LOC112694756: variants seen among roughly 807,000 people sequenced by gnomAD.
the LOC112694756 span, among the ~76,000 whole-genome samples, chr16:30,057,844 T>C: frequency 6.6e-6 from 1 of 151,618 alleles, no homozygotes; most frequent in Admixed American, 6.6e-5. Flanking sequence ...GGCAGGAGAA[T>C]AGCTTGAACC....
chr16:30,067,128 G>A, the LOC112694756 span: 2 of 1,579,548 alleles, frequency 1.3e-6, no homozygotes, highest in African/African-American at 2.7e-5. Context: ...GTGGGGCAGG[G>A]GAGGTAGGGA....
At chr16:30,067,109 C>A in the LOC112694756 span, 4 of 1,571,328 alleles carry the variant, frequency 2.5e-6, no homozygotes, top group Non-Finnish European at 3.5e-6. Flanking sequence ...GCCCCAGGGC[C>A]TGCTGGGTGT....
the LOC112694756 span, chr16:30,070,339 G>T: frequency 1.2e-6 from 1 of 833,450 alleles, no homozygotes; most frequent in Non-Finnish European, 2.0e-6. Flanking sequence ...TGACAGTGGT[G>T]TGTGGTGTCG....
At chr16:30,055,905 T>TG in the LOC112694756 span, among the ~76,000 whole-genome samples, 1 of 152,130 alleles carries the variant, frequency 6.6e-6, no homozygotes, top group South Asian at 2.1e-4. Flanking sequence ...GCTCAAGTGA[T>TG]TCTCCTGCCT....
At chr16:30,070,054 G>C in the LOC112694756 span, 2 of 1,613,622 alleles carry the variant, frequency 1.2e-6, no homozygotes, top group Non-Finnish European at 1.7e-6. Context: ...GAGGTGGGCA[G>C]GGTGCCTGGG....
At chr16:30,058,939 AG>A in the LOC112694756 span, 1 of 398,546 alleles carries the variant, frequency 2.5e-6, no homozygotes, top group Non-Finnish European at 4.4e-6. Flanking sequence ...CCAGCCTCGC[AG>A]GGCTTCCATT....
the LOC112694756 span, among the ~76,000 whole-genome samples, chr16:30,054,309 C>T: frequency 4.6e-5 from 7 of 151,998 alleles, no homozygotes; most frequent in African/African-American, 9.7e-5. Flanking sequence ...AGTGATACTC[C>T]GTCTCAATAA....
At chr16:30,056,132 C>T in the LOC112694756 span, among the ~76,000 whole-genome samples, 3 of 117,528 alleles carry the variant, frequency 2.6e-5, no homozygotes, top group Non-Finnish European at 4.9e-5. Flanking sequence ...TTTTTTGAGA[C>T]GGAGTCTCGC....
the LOC112694756 span, chr16:30,067,198 G>A: frequency 1.9e-6 from 3 of 1,611,644 alleles, no homozygotes; most frequent in Non-Finnish European, 2.5e-6. Context: ...GGAAACCCTA[G>A]CTAACTAGTC....
the LOC112694756 span, among the ~76,000 whole-genome samples, chr16:30,054,111 G>GGAGTTCAA: frequency 1.3e-5 from 2 of 152,134 alleles, no homozygotes; most frequent in South Asian, 4.1e-4. Context: ...CCTGAGATCA[G>GGAGTTCAA]GAGTTCAAGA....
At chr16:30,060,350 C>G in the LOC112694756 span, among the ~76,000 whole-genome samples, 1 of 152,018 alleles carries the variant, frequency 6.6e-6, no homozygotes, top group Non-Finnish European at 1.5e-5. Flanking sequence ...AGGTTCAAAC[C>G]CAGGCCTTAC....
chr16:30,056,603 A>AT, the LOC112694756 span, among the ~76,000 whole-genome samples: 2 of 151,902 alleles, frequency 1.3e-5, no homozygotes, highest in East Asian at 3.9e-4. Flanking sequence ...CTGTCCCCCT[A>AT]TCCCCCGCCT....
the LOC112694756 span, chr16:30,067,904 G>A: frequency 1.2e-5 from 7 of 569,408 alleles, no homozygotes; most frequent in Non-Finnish European, 1.9e-5. Flanking sequence ...CAGAGTAAGT[G>A]GCAGAGCCCC....
At chr16:30,067,062 G>A in the LOC112694756 span, 4 of 1,575,102 alleles carry the variant, frequency 2.5e-6, no homozygotes, top group African/African-American at 1.4e-5. Context: ...CCTAGCAAAG[G>A]GAAGTTGGGC....
At chr16:30,066,944 T>G in the LOC112694756 span, 3 of 1,551,006 alleles carry the variant, frequency 1.9e-6, no homozygotes, top group Non-Finnish European at 2.6e-6. Flanking sequence ...ATGACCCACC[T>G]GTCCATGGCT....
At chr16:30,068,803 T>C in the LOC112694756 span, 4 of 1,614,050 alleles carry the variant, frequency 2.5e-6, no homozygotes, top group Non-Finnish European at 3.4e-6. Context: ...CTCTGACCCC[T>C]TCCTCTTCTC....
At chr16:30,068,615 T>G in the LOC112694756 span, 20 of 1,612,834 alleles carry the variant, frequency 1.2e-5, no homozygotes, top group Non-Finnish European at 1.7e-5. Context: ...TCATTTCCTG[T>G]GTCTTAATGT....
the LOC112694756 span, among the ~76,000 whole-genome samples, chr16:30,056,479 G>T: frequency 2.6e-5 from 4 of 152,116 alleles, no homozygotes; most frequent in Non-Finnish European, 5.9e-5. Flanking sequence ...TCCCAAAGTT[G>T]CTGTGTTTTA....
the LOC112694756 span, chr16:30,067,004 T>C: frequency 6.4e-7 from 1 of 1,568,028 alleles, no homozygotes; most frequent in East Asian, 2.4e-5. Context: ...CACCCTCAGC[T>C]GGGCAACACC....
Sources: gnomAD v4.1 joint callset for allele counts (sites outside exome capture counted in the v4.1 genomes callset) on GRCh38, gnomAD v4.1.1 for gene constraint, MANE v1.5 for transcripts.